RNF217: variants seen among roughly 807,000 people sequenced by gnomAD.
RNF217 encodes ring finger protein 217, also known as E3 ubiquitin-protein ligase RNF217.
RNF217 carries 31 observed loss-of-function variants against 57.8 expected under a neutral mutation model. The ratio of observed to expected loss-of-function variants is 0.54; its 90% CI spans 0.40 to 0.72. The LOEUF is 0.72. RNF217 is among the 30% of genes least tolerant of loss of function. The probability of loss-of-function intolerance (pLI) is 0.00; values close to 1 mark genes in which losing one functional copy is unlikely to be tolerated. For missense variants in RNF217, 696 were observed against 708.3 expected, an observed-to-expected ratio of 0.98 and a Z score of 0.20; for synonymous variants, 313 against 294.0, an observed-to-expected ratio of 1.06 and a Z score of -0.66.
rs34412026 is a variant in RNF217, at chr6:125,088,014, C to CTTTTTT, written c.*5094_*5099dup. 8 of 100,854 alleles carry CTTTTTT rather than the reference C, an allele frequency of 7.9e-5. No individual in the cohort carries two copies. The highest frequency in any genetic ancestry group is 3.3e-4 in the South Asian group (1 of 3,022). 6.2% of individuals were successfully genotyped at this position (100,854 alleles called of 1,614,324 possible). On this transcript the variant is annotated 3_prime_UTR_variant, in exon 6 of 6. Coordinates refer to ENST00000521654, the MANE Select transcript of RNF217 (RefSeq NM_001286398.3). Reference sequence around the variant, plus strand: ...AATATGGAAAATAAGTTACAAAATTCTTTTTTTTTTTTTTTTTTTTTTGAG... The same window carrying CTTTTTT: ...AATATGGAAAATAAGTTACAAAATTCTTTTTTTTTTTTTTTTTTTTTTTTTTTTGAG...
chr6:125,037,248 A>G (rs1390583266), intron 1 of RNF217, among the ~76,000 whole-genome samples: 1 of 152,122 alleles, frequency 6.6e-6, no homozygotes, highest in Non-Finnish European at 1.5e-5. Context: ...AAGTTTTACA[A>G]CTTTATTTTT....
At chr6:125,046,529 A>G (rs1378696115) in intron 2 of RNF217, 1 of 453,944 alleles carries the variant, frequency 2.2e-6, no homozygotes, top group African/African-American at 2.0e-5. Flanking sequence ...TGACTAATCC[A>G]CAGTAGAGAA....
intron 3 of RNF217, 116 bp from the exon 4 acceptor site, chr6:125,076,541 T>G (rs1011230809): frequency 6.0e-6 from 4 of 666,304 alleles, no homozygotes; most frequent in Non-Finnish European, 1.1e-5. Flanking sequence ...TCAGGAGTGC[T>G]GTGAGAGACT....
At chr6:124,966,558 T>C (rs1367250366) in intron 1 of RNF217, among the ~76,000 whole-genome samples, 5 of 152,236 alleles carry the variant, frequency 3.3e-5, no homozygotes, top group African/African-American at 7.2e-5. Context: ...GTGACTTTTT[T>C]CCACCATTTC....
chr6:125,018,137 C>T (rs978504494), intron 1 of RNF217, among the ~76,000 whole-genome samples: 1 of 152,086 alleles, frequency 6.6e-6, no homozygotes, highest in Non-Finnish European at 1.5e-5. Context: ...TATGAGGGCT[C>T]CTTACTTTCA....
At chr6:125,070,777 A>G (rs886904305) in intron 3 of RNF217, among the ~76,000 whole-genome samples, 3 of 152,204 alleles carry the variant, frequency 2.0e-5, no homozygotes, top group African/African-American at 7.2e-5. Flanking sequence ...AAGTCATTGA[A>G]GGAAACACAT....
At chr6:125,041,155 T>C (rs1042425162) in intron 1 of RNF217, among the ~76,000 whole-genome samples, 2 of 152,110 alleles carry the variant, frequency 1.3e-5, no homozygotes, top group African/African-American at 4.8e-5. Context: ...GATCTGTACA[T>C]ATATATTAAA....
intron 4 of RNF217, 91 bp from the exon 5 acceptor site, chr6:125,081,345 A>G: frequency 1.1e-6 from 1 of 898,944 alleles, no homozygotes; most frequent in Non-Finnish European, 1.7e-6. Flanking sequence ...TTAAAAAATA[A>G]TATACACTGT....
At chr6:124,999,345 TC>T (rs1784881418) in intron 1 of RNF217, among the ~76,000 whole-genome samples, 2 of 152,240 alleles carry the variant, frequency 1.3e-5, no homozygotes, top group African/African-American at 2.4e-5. Context: ...CCCCAGCAGA[TC>T]CCTTCTCCAG....
chr6:125,062,288 C>A (rs1362797606), intron 3 of RNF217, among the ~76,000 whole-genome samples: 1 of 151,896 alleles, frequency 6.6e-6, no homozygotes, highest in Admixed American at 6.6e-5. Context: ...AATGGATAGA[C>A]CAATTTAATA....
At chr6:124,995,093 G>A (rs576688593) in intron 1 of RNF217, among the ~76,000 whole-genome samples, 12 of 152,118 alleles carry the variant, frequency 7.9e-5, no homozygotes, top group Non-Finnish European at 1.5e-4. Context: ...CCCTTGAGTA[G>A]GGAGATGTTT....
intron 3 of RNF217, among the ~76,000 whole-genome samples, chr6:125,070,986 G>A (rs908372298): frequency 3.3e-5 from 5 of 152,052 alleles, no homozygotes; most frequent in Non-Finnish European, 2.9e-5. Context: ...AAACATTGTA[G>A]GTTTAGCAGT....
At chr6:124,996,529 T>G (rs1270590954) in intron 1 of RNF217, 3 of 151,984 alleles carry the variant, frequency 2.0e-5, no homozygotes, top group African/African-American at 7.3e-5. Flanking sequence ...TTATGAAGAG[T>G]TTTAATTATC....
chr6:124,983,111 C>T (rs1784237094), intron 1 of RNF217, among the ~76,000 whole-genome samples: 1 of 152,158 alleles, frequency 6.6e-6, no homozygotes, highest in South Asian at 2.1e-4. Context: ...AGGTTCTTAA[C>T]TTGAGAGTCT....
rs142023208 is a variant in RNF217, at chr6:125,030,028, C to T, written c.883-15183C>T. On this transcript the variant is annotated intron_variant, in intron 1 of 5. Coordinates refer to ENST00000521654, the MANE Select transcript of RNF217 (RefSeq NM_001286398.3). ...GGCTGGGGAGGCCTCAGAATCATGGCGGGAGGTGAAAGGCATTTCTTACAT... is the reference window on the plus strand; with the variant it reads ...GGCTGGGGAGGCCTCAGAATCATGGTGGGAGGTGAAAGGCATTTCTTACAT... Among the ~76,000 whole-genome samples, 459 of 152,102 alleles carry T rather than the reference C, an allele frequency of 3.0e-3. 5 individuals carry two copies. The highest frequency in any genetic ancestry group is 0.02 in the East Asian group (104 of 5,164).
intron 1 of RNF217, among the ~76,000 whole-genome samples, chr6:124,973,009 A>C (rs1023783897): frequency 6.6e-6 from 1 of 152,178 alleles, no homozygotes; most frequent in Non-Finnish European, 1.5e-5. Context: ...TATATACTCT[A>C]TAAGTAGAGT....
chr6:125,005,502 G>A (rs1351622430), intron 1 of RNF217, among the ~76,000 whole-genome samples: 1 of 152,216 alleles, frequency 6.6e-6, no homozygotes, highest in Non-Finnish European at 1.5e-5. Flanking sequence ...GGAAAGTCAT[G>A]ATAAAAACAG....
At chr6:125,059,074 G>A (rs1245696011) in intron 3 of RNF217, among the ~76,000 whole-genome samples, 1 of 152,084 alleles carries the variant, frequency 6.6e-6, no homozygotes, top group East Asian at 1.9e-4. Context: ...GCCTATAAAT[G>A]AGCATAATAA....
Position 125,082,934 on chromosome 6 carries a change from G to T in RNF217, c.1626G>T (p.Trp542Cys). Residue 542 changes from tryptophan (W) to cysteine (C), a missense_variant, in exon 6 of 6, where the codon TGG becomes TGT. By Grantham distance (215) the Trp-to-Cys change is radical (BLOSUM62 -2). Transcript: ENST00000521654. Reference sequence around the variant, plus strand: ...AACGATCACGGACAGGTATGCACTGGTAACATGCAGATGATTTCATCCAGC... The same window carrying T: ...AACGATCACGGACAGGTATGCACTGTTAACATGCAGATGATTTCATCCAGC... Reference protein sequence around the residue: ...QRKRSRTGMHW With the variant: ...QRKRSRTGMHC 6.3e-7 allele frequency: 1 copy of T among 1,593,982 alleles called. No homozygotes were observed. Among genetic ancestry groups the T allele is most frequent in the Non-Finnish European group, 8.5e-7 (1 of 1,173,366 alleles).
Sources: gnomAD v4.1 joint callset for allele counts (sites outside exome capture counted in the v4.1 genomes callset) on GRCh38, gnomAD v4.1.1 for gene constraint, MANE v1.5 for transcripts, NCBI Gene and HGNC (gene_info 2026-07-23, HGNC 2026-07-21) for gene names.